Variants in ERICH3 observed in about 807,000 individuals in gnomAD.
The protein encoded by ERICH3 is glutamate rich 3.
Under a neutral mutation model 131.1 loss-of-function variants are expected in ERICH3, and 126 were observed. The ratio of observed to expected loss-of-function variants is 0.96; its 90% confidence interval spans 0.83 to 1.11. The LOEUF (loss-of-function observed/expected upper bound fraction) is 1.11, where lower values mean the gene tolerates loss of function less well. ERICH3 is among the 50% of genes most tolerant of loss of function. The pLI is 0.00. For missense variants in ERICH3, 2,050 were observed against 1,810.7 expected, an observed-to-expected ratio of 1.13 and a Z score of -2.40; for synonymous variants, 695 against 644.6, an observed-to-expected ratio of 1.08 and a Z score of -1.18.
intron 1 of ERICH3, among the ~76,000 whole-genome samples, chr1:74,649,796 C>G (rs1190670975): frequency 6.6e-6 from 1 of 152,146 alleles, no homozygotes. Context: ...ACTGTGAAGG[C>G]CCTTCCTTCA....
At chr1:74,576,109 C>T (rs1647049081) in intron 13 of ERICH3, among the ~76,000 whole-genome samples, 1 of 152,192 alleles carries the variant, frequency 6.6e-6, no homozygotes. Flanking sequence ...TAACACCTCT[C>T]TAATCTTTCA....
At chr1:74,581,684 A>G (rs1647185762) in intron 12 of ERICH3, among the ~76,000 whole-genome samples, 1 of 152,214 alleles carries the variant, frequency 6.6e-6, no homozygotes, top group South Asian at 2.1e-4. Context: ...ATGATAAACC[A>G]ACCTTCTAAA....
chr1:74,621,797 GA>G (rs1434535856), intron 7 of ERICH3: 2 of 152,194 alleles, frequency 1.3e-5, no homozygotes, highest in African/African-American at 4.8e-5. Flanking sequence ...GGAGGAAGTA[GA>G]AGCAGAACAA....
intron 1 of ERICH3, among the ~76,000 whole-genome samples, chr1:74,652,518 T>C (rs1316959907): frequency 6.6e-6 from 1 of 152,018 alleles, no homozygotes; most frequent in Non-Finnish European, 1.5e-5. Context: ...CTGCGTTCAG[T>C]GCTACTTACT....
At chr1:74,652,945 C>CT (rs1000630176) in intron 1 of ERICH3, among the ~76,000 whole-genome samples, 29 of 152,146 alleles carry the variant, frequency 1.9e-4, no homozygotes, top group African/African-American at 7.0e-4. Context: ...ACAGAGCAAC[C>CT]TTGTCTCCAT....
In ERICH3 at chr1:74,631,912, A is replaced by G. The variant is rs201399344; in HGVS notation, c.620T>C (p.Met207Thr). 63 of 1,612,648 alleles carry G rather than the reference A, an allele frequency of 3.9e-5. No individual in the cohort carries two copies. The Admixed American group carries it at 1.1e-3, about 27-fold the overall frequency. Residue 207 changes from methionine to threonine, a missense_variant, in exon 7 of 15, where the codon ATG becomes ACG. Coordinates refer to ENST00000326665, the MANE Select transcript of ERICH3 (RefSeq NM_001002912.5). Reference sequence around the variant, plus strand: ...ATTGCCTATGGAGTTCCTGAACTTCATCACTGCCTTCTTGCCCTGTAATCA... The same window carrying G: ...ATTGCCTATGGAGTTCCTGAACTTCGTCACTGCCTTCTTGCCCTGTAATCA... ...LFPIGGKKAV[M>T]KFRNSIGNSQ... is the part of the protein sequence containing the mutation.
intron 1 of ERICH3, among the ~76,000 whole-genome samples, chr1:74,661,740 C>A (rs755735090): frequency 1.3e-5 from 2 of 151,978 alleles, no homozygotes; most frequent in Non-Finnish European, 2.9e-5. Flanking sequence ...CACTGAGTAC[C>A]TATTATATGT....
intron 2 of ERICH3, 137 bp from the exon 3 acceptor site, chr1:74,646,929 G>A (rs1037475644): frequency 1.4e-5 from 3 of 219,030 alleles, no homozygotes; most frequent in African/African-American, 4.9e-5. Context: ...GAGAGAAAGA[G>A]AGAGAGAGAG....
rs1391822278 is a variant in ERICH3 at position 74,572,257 on chromosome 1, C to G, written c.3453G>C (p.Glu1151Asp). 2.5e-6 allele frequency: 4 copies of G among 1,614,014 alleles called. No individual in the cohort carries two copies. The South Asian group carries it at 3.3e-5, about 13-fold the overall frequency. ...TTGCTTCAAATATGGGAACCACTGT[C>G]TCTTTTAGTGAATCTTCTCCTAGAA... ...PGLLGEDSLK[E>D]TVVPIFEATP... Residue 1151 changes from glutamate (E) to aspartate (D), a missense_variant, in exon 14 of 15, where the codon GAG becomes GAC. Transcript: ENST00000326665.
chr1:74,625,479 C>T (rs1051232684), intron 7 of ERICH3: 2 of 152,096 alleles, frequency 1.3e-5, no homozygotes, highest in Admixed American at 1.3e-4. Context: ...TTTCAAATGC[C>T]ACCTTCTCTA....
rs1470591907 is a variant in ERICH3 at position 74,569,358 on chromosome 1, G to A, written c.*1100C>T. 6.6e-6 allele frequency: 1 copy of A among 152,104 alleles called. No individual in the cohort carries two copies. Among genetic ancestry groups the A allele is most frequent in the East Asian group, 1.9e-4 (1 of 5,196 alleles). 9.4% of individuals were successfully genotyped at this position (152,104 alleles called of 1,614,324 possible). A position where few individuals can be genotyped will look rare whatever the true frequency, so the allele number is the denominator to read the frequency against. The stretch of plus-strand genomic sequence containing the variant: ...TTTTTACCTTCTCATATAGAGAAAT[G>A]GTAGACATATACATGCGCTCTGGGG... On this transcript the variant is annotated 3_prime_UTR_variant, in exon 15 of 15. Coordinates refer to ENST00000326665, the MANE Select transcript of ERICH3 (RefSeq NM_001002912.5).
At chr1:74,647,633 G>T (rs138284413) in intron 2 of ERICH3, among the ~76,000 whole-genome samples, 65 of 152,136 alleles carry the variant, frequency 4.3e-4, no homozygotes, top group African/African-American at 1.4e-3. Flanking sequence ...TCTATCCCCT[G>T]TAAACGAAGA....
rs75969974 is a variant in ERICH3 at position 74,628,644 on chromosome 1, A to G, written c.819+3069T>C. ...TACAAATTTTCGACTGTGCAGAGAA[A>G]TGACACCCCTTCCCCCCATGTTATT... On this transcript the variant is annotated intron_variant, in intron 7 of 14. Transcript: ENST00000326665. Among the ~76,000 whole-genome samples, 1,062 of 152,042 alleles carry G rather than the reference A, an allele frequency of 7.0e-3. 11 individuals carry two copies. The highest frequency in any genetic ancestry group is 0.024 in the African/African-American group (1,002 of 41,494).
intron 8 of ERICH3, among the ~76,000 whole-genome samples, chr1:74,617,204 A>G (rs1265305872): frequency 1.3e-5 from 2 of 152,056 alleles, no homozygotes; most frequent in Non-Finnish European, 2.9e-5. Context: ...AAAAACCAGA[A>G]ACAACAATAA....
At chr1:74,634,006 T>G (rs1447103536) in intron 6 of ERICH3, among the ~76,000 whole-genome samples, 2 of 152,108 alleles carry the variant, frequency 1.3e-5, no homozygotes, top group Non-Finnish European at 2.9e-5. Context: ...CTCCTGCTAC[T>G]TAGCAAAGTT....
chr1:74,599,596 A>G, intron 11 of ERICH3, 99 bp downstream of exon 11: 2 of 1,033,714 alleles, frequency 1.9e-6, no homozygotes, highest in Non-Finnish European at 2.8e-6. Context: ...TACATTCAAG[A>G]GAAAAAAAAG....
At chr1:74,654,649 C>T (rs953753239) in intron 1 of ERICH3, among the ~76,000 whole-genome samples, 2 of 152,028 alleles carry the variant, frequency 1.3e-5, no homozygotes, top group Non-Finnish European at 2.9e-5. Context: ...GGCACCAATC[C>T]CTCATGATCT....
At chr1:74,674,025 G>C (rs1351971002), upstream of ERICH3, among the ~76,000 whole-genome samples, 4 of 152,230 alleles carry the variant, frequency 2.6e-5, no homozygotes, top group African/African-American at 9.6e-5. Context: ...GGTAGCGGCT[G>C]AGGGTAATAA....
intron 8 of ERICH3, chr1:74,615,066 C>T (rs1648897468): frequency 6.6e-6 from 1 of 152,198 alleles, no homozygotes; most frequent in African/African-American, 2.4e-5. Context: ...ACTGCCCTTC[C>T]ATCGGATGCT....
Sources: gnomAD v4.1 joint callset for allele counts (sites outside exome capture counted in the v4.1 genomes callset) on GRCh38, gnomAD v4.1.1 for gene constraint, MANE v1.5 for transcripts, NCBI Gene and HGNC (gene_info 2026-07-23, HGNC 2026-07-21) for gene names.